NAA11: variants seen among roughly 807,000 people sequenced by gnomAD.
NAA11 encodes N-alpha-acetyltransferase 11, NatA catalytic subunit, also known as N-alpha-acetyltransferase 11.
Under a neutral mutation model 16.1 loss-of-function variants are expected in NAA11, and 15 were observed. That is an observed-to-expected ratio of 0.93 (90% CI 0.62 to 1.44). NAA11 has a LOEUF of 1.44. NAA11 is among the 40% of genes most tolerant of loss of function. The pLI is 0.00. For synonymous variants in NAA11, 122 were observed against 112.4 expected, an observed-to-expected ratio of 1.09 and a Z score of -0.54; for missense variants, 298 against 291.3, an observed-to-expected ratio of 1.02 and a Z score of -0.17.
downstream of NAA11, among the ~76,000 whole-genome samples, chr4:79,313,228 G>GT (rs1429072240): frequency 6.6e-6 from 1 of 151,994 alleles, no homozygotes; most frequent in African/African-American, 2.4e-5. Flanking sequence ...AATGTTTACA[G>GT]TAACATTTTT....
intron 2 of NAA11, among the ~76,000 whole-genome samples, chr4:79,266,631 A>G (rs1261522903): frequency 6.6e-6 from 1 of 152,304 alleles, no homozygotes; most frequent in East Asian, 1.9e-4. Context: ...TCCAACACAG[A>G]AGAATCCTTT....
intron 2 of NAA11, among the ~76,000 whole-genome samples, chr4:79,273,182 G>A (rs1252258019): frequency 6.6e-6 from 1 of 151,902 alleles, no homozygotes; most frequent in African/African-American, 2.4e-5. Context: ...TTTCGATGGG[G>A]GAGTGACATA....
rs149944662 is a variant in NAA11 at position 79,246,661 on chromosome 4, T to G, written c.*123-20391A>C. ...TGATTACTTCTGTTCCTAAGGCAGT[T>G]TATAATAATATACTAATAATCACAG... On this transcript the variant is annotated intron_variant and NMD_transcript_variant, in intron 2 of 2. Transcript: ENST00000511542. 2.2e-4 allele frequency among the ~76,000 whole-genome samples: 34 copies of G among 152,266 alleles called. No homozygotes were observed. In the East Asian group the frequency reaches 6.0e-3, roughly 27 times the overall value.
chr4:79,262,584 C>A (rs1316893943), intron 2 of NAA11, among the ~76,000 whole-genome samples: 1 of 152,106 alleles, frequency 6.6e-6, no homozygotes, highest in African/African-American at 2.4e-5. Context: ...TGCAAGTATT[C>A]TCAGTCCTGC....
chr4:79,314,580 C>G (rs1446474796), downstream of NAA11, among the ~76,000 whole-genome samples: 1 of 146,732 alleles, frequency 6.8e-6, no homozygotes. Context: ...TTCTTATCCC[C>G]GGATGGAAAA....
intron 2 of NAA11, among the ~76,000 whole-genome samples, chr4:79,271,383 T>G (rs1042528502): frequency 2.9e-4 from 44 of 150,748 alleles, no homozygotes; most frequent in African/African-American, 8.3e-4. Context: ...TAAAAGAGGA[T>G]ACAAACAAAT....
chr4:79,284,481 T>C (rs1469694024), intron 2 of NAA11, among the ~76,000 whole-genome samples: 1 of 152,116 alleles, frequency 6.6e-6, no homozygotes, highest in Non-Finnish European at 1.5e-5. Context: ...AGGTTGATTA[T>C]TTTTAAAAAA....
At chr4:79,187,916 G>A in the NAA11 span, among the ~76,000 whole-genome samples, 26 of 150,978 alleles carry the variant, frequency 1.7e-4, 1 homozygote, top group South Asian at 3.8e-3. Flanking sequence ...GGAGAATGGC[G>A]GGAACCCGGG....
the NAA11 span, among the ~76,000 whole-genome samples, chr4:79,175,577 G>C: frequency 6.6e-6 from 1 of 151,842 alleles, no homozygotes; most frequent in Non-Finnish European, 1.5e-5. Context: ...TGGTATAACA[G>C]GCTGTTCCTA....
At position 79,319,315 on chromosome 4, in the gene NAA11, T is replaced by A. The variant is rs527260526; in HGVS notation, c.*13-1524A>T. On this transcript the variant is annotated intron_variant, in intron 1 of 1. Coordinates refer to ENST00000286794, the MANE Select transcript of NAA11 (RefSeq NM_032693.3). ...GGGCTATGGAAGCCTGACAAATACATGCTATTTGTCGATATGGTGTTATAA... is the reference window on the plus strand; with the variant it reads ...GGGCTATGGAAGCCTGACAAATACAAGCTATTTGTCGATATGGTGTTATAA... Among the ~76,000 whole-genome samples, 3 of 152,310 alleles carry A rather than the reference T, an allele frequency of 2.0e-5. No homozygotes were observed. In the South Asian group the frequency reaches 6.2e-4, roughly 32 times the overall value.
At chr4:79,266,015 G>T (rs1022914647) in intron 2 of NAA11, among the ~76,000 whole-genome samples, 3 of 152,166 alleles carry the variant, frequency 2.0e-5, no homozygotes, top group African/African-American at 7.2e-5. Context: ...GGAAAACTCA[G>T]TATCAACCTC....
At chr4:79,324,019 A>T (rs1724182172) in intron 1 of NAA11, among the ~76,000 whole-genome samples, 1 of 147,046 alleles carries the variant, frequency 6.8e-6, no homozygotes, top group Admixed American at 6.8e-5. Context: ...AAAAAAAAAA[A>T]GTACAGTAAT....
At position 79,304,882 on chromosome 4, in the gene NAA11, A is replaced by G. The variant is rs772898911; in HGVS notation, c.*13-10768T>C. Among the ~76,000 whole-genome samples, 11 of 152,194 alleles carry G rather than the reference A, an allele frequency of 7.2e-5. No homozygotes were observed. The Middle Eastern group carries it at 0.017, about 237-fold the overall frequency. On this transcript the variant is annotated intron_variant and NMD_transcript_variant, in intron 1 of 2. Coordinates refer to the NAA11 transcript ENST00000511542. ...ACCTGTTTGGGTGCAAATTAAAAGA[A>G]CTCTGTCAGTGAAAAGGTGTCATAC...
At chr4:79,296,525 C>T (rs982474536) in intron 1 of NAA11, among the ~76,000 whole-genome samples, 1 of 152,198 alleles carries the variant, frequency 6.6e-6, no homozygotes, top group African/African-American at 2.4e-5. Flanking sequence ...CAGCCAGATT[C>T]ACACCTTGGC....
At chr4:79,234,858 T>C (rs971455583) in intron 2 of NAA11, among the ~76,000 whole-genome samples, 1 of 152,180 alleles carries the variant, frequency 6.6e-6, no homozygotes, top group Non-Finnish European at 1.5e-5. Flanking sequence ...TACTCAGTAT[T>C]CAGTTTATGA....
At chr4:79,172,393 T>C in the NAA11 span, among the ~76,000 whole-genome samples, 1 of 152,166 alleles carries the variant, frequency 6.6e-6, no homozygotes, top group Non-Finnish European at 1.5e-5. Flanking sequence ...ATTAACTTTT[T>C]TTCCAAGGGA....
the NAA11 span, among the ~76,000 whole-genome samples, chr4:79,187,986 G>A: frequency 1.7e-5 from 2 of 119,162 alleles, no homozygotes; most frequent in Admixed American, 9.6e-5. Context: ...GCGACAGAGT[G>A]AGACTCCGTC....
At chr4:79,191,828 G>A in the NAA11 span, among the ~76,000 whole-genome samples, 5 of 152,106 alleles carry the variant, frequency 3.3e-5, no homozygotes, top group African/African-American at 7.2e-5. Flanking sequence ...TTACATTTAA[G>A]TCTTTAATCC....
At chr4:79,181,073 C>T in the NAA11 span, among the ~76,000 whole-genome samples, 5 of 151,064 alleles carry the variant, frequency 3.3e-5, no homozygotes, top group South Asian at 8.4e-4. Flanking sequence ...CACACCGGGG[C>T]GTGTTGTAGG....
Sources: allele counts gnomAD v4.1 joint callset (sites outside exome capture counted in the v4.1 genomes callset), GRCh38; gene constraint gnomAD v4.1.1; transcripts MANE v1.5; gene names NCBI Gene and HGNC (gene_info 2026-07-23, HGNC 2026-07-21).